Variants in GPC6 observed in about 807,000 individuals in gnomAD.
GPC6 encodes the protein glypican 6.
In GPC6, 14 loss-of-function variants were observed where a neutral mutation model predicts 55.2. That is an observed-to-expected ratio of 0.25 (90% CI 0.17 to 0.40). The LOEUF (loss-of-function observed/expected upper bound fraction) is 0.40. Ranked by LOEUF, GPC6 falls within the 10% of genes least tolerant of loss-of-function variation. The probability of loss-of-function intolerance (pLI) is 1.00; values close to 1 mark genes in which losing one functional copy is unlikely to be tolerated. For missense variants in GPC6, 641 were observed against 708.5 expected (o/e 0.90, Z 1.08); for synonymous variants, 278 against 259.6 (o/e 1.07, Z -0.68).
chr13:94,038,981 T>C (rs1883433814), intron 4 of GPC6, among the ~76,000 whole-genome samples: 1 of 151,932 alleles, frequency 6.6e-6, no homozygotes, highest in African/African-American at 2.4e-5. Context: ...TGGATTTGCC[T>C]TAGTTCCTGA....
At chr13:94,160,712 T>C (rs1888128297) in intron 4 of GPC6, among the ~76,000 whole-genome samples, 1 of 152,252 alleles carries the variant, frequency 6.6e-6, no homozygotes, top group Non-Finnish European at 1.5e-5. Flanking sequence ...CCTCTTGGTC[T>C]GGATCCTACA....
At position 94,397,425 on chromosome 13, in the gene GPC6, G is replaced by T. The variant is rs199923038; in HGVS notation, c.1290-1041G>T. On this transcript the variant is annotated intron_variant, in intron 7 of 8. Transcript: ENST00000377047. ...TGACAATTTTGACATTTTGGTACAA[G>T]GGAAAGAAATGTGAAACTCAGAATC... Among the ~76,000 whole-genome samples, 11 of 152,254 alleles carry T rather than the reference G, an allele frequency of 7.2e-5. No individual in the cohort carries two copies. In the East Asian group the frequency reaches 2.1e-3, roughly 29 times the overall value.
At chr13:94,354,532 C>T (rs1448361589) in intron 6 of GPC6, among the ~76,000 whole-genome samples, 1 of 152,248 alleles carries the variant, frequency 6.6e-6, no homozygotes. Context: ...AGCTCCAACA[C>T]TTTCCAATGC....
intron 2 of GPC6, among the ~76,000 whole-genome samples, chr13:93,590,423 A>G (rs1298324317): frequency 6.6e-6 from 1 of 152,168 alleles, no homozygotes; most frequent in Non-Finnish European, 1.5e-5. Flanking sequence ...CTTATATTTT[A>G]AAGAAGTATA....
chr13:93,581,197 A>G (rs1229501315), intron 2 of GPC6, among the ~76,000 whole-genome samples: 2 of 152,256 alleles, frequency 1.3e-5, no homozygotes, highest in Non-Finnish European at 2.9e-5. Flanking sequence ...CAATGTCAAT[A>G]TTCAGCATCT....
intron 1 of GPC6, among the ~76,000 whole-genome samples, chr13:93,425,912 C>T (rs371484863): frequency 1.3e-5 from 2 of 152,260 alleles, no homozygotes; most frequent in East Asian, 3.9e-4. Flanking sequence ...TGCCCTGCAG[C>T]CCACGGCTTT....
intron 3 of GPC6, among the ~76,000 whole-genome samples, chr13:93,924,447 A>C (rs184193473): frequency 3.1e-4 from 47 of 152,322 alleles, no homozygotes; most frequent in African/African-American, 1.1e-3. Flanking sequence ...AAAGGAAACC[A>C]AATGCTTTTT....
intron 2 of GPC6, among the ~76,000 whole-genome samples, chr13:93,804,590 A>G (rs745351048): frequency 3.9e-5 from 6 of 152,188 alleles, no homozygotes; most frequent in South Asian, 2.1e-4. Flanking sequence ...ATTATATTTC[A>G]TAGTAAGTTC....
intron 1 of GPC6, among the ~76,000 whole-genome samples, chr13:93,303,872 ATTT>A (rs33964040): frequency 4.7e-5 from 6 of 128,932 alleles, no homozygotes; most frequent in Admixed American, 1.6e-4. Flanking sequence ...TGTAGATACT[ATTT>A]TTTTTTTTTT....
At chr13:93,515,260 A>G (rs1227460095) in intron 1 of GPC6, among the ~76,000 whole-genome samples, 2 of 152,112 alleles carry the variant, frequency 1.3e-5, no homozygotes, top group African/African-American at 4.8e-5. Flanking sequence ...TTCAGCCTCC[A>G]GAACTTTAAG....
intron 2 of GPC6, among the ~76,000 whole-genome samples, chr13:93,572,857 T>C (rs1876472511): frequency 6.6e-6 from 1 of 152,166 alleles, no homozygotes; most frequent in African/African-American, 2.4e-5. Flanking sequence ...TCATGTTAAA[T>C]TCCTTGTATC....
chr13:94,226,886 T>C (rs1890575262), intron 4 of GPC6, among the ~76,000 whole-genome samples: 1 of 152,132 alleles, frequency 6.6e-6, no homozygotes, highest in Non-Finnish European at 1.5e-5. Context: ...GTGAAAACAA[T>C]GGCTTGTCTC....
At chr13:93,856,857 C>A (rs545075959) in intron 3 of GPC6, among the ~76,000 whole-genome samples, 1 of 151,530 alleles carries the variant, frequency 6.6e-6, no homozygotes, top group Non-Finnish European at 1.5e-5. Context: ...GTTCATTGTG[C>A]CTCCATTTAA....
chr13:94,130,683 T>C (rs1463015150), intron 4 of GPC6, among the ~76,000 whole-genome samples: 2 of 152,118 alleles, frequency 1.3e-5, no homozygotes, highest in Non-Finnish European at 2.9e-5. Context: ...ATCTCAAAAG[T>C]GCAAGACTCT....
intron 4 of GPC6, among the ~76,000 whole-genome samples, chr13:94,102,331 C>T (rs1885894521): frequency 6.6e-6 from 1 of 152,070 alleles, no homozygotes; most frequent in Non-Finnish European, 1.5e-5. Context: ...AAGTCTTGGA[C>T]ATTTCCATCC....
chr13:93,323,656 A>G (rs2139126239), intron 1 of GPC6, among the ~76,000 whole-genome samples: 1 of 152,276 alleles, frequency 6.6e-6, no homozygotes, highest in Non-Finnish European at 1.5e-5. Flanking sequence ...ATGAAGTACC[A>G]TGATAAATAT....
chr13:93,548,093 A>G (rs1011047050), intron 2 of GPC6, among the ~76,000 whole-genome samples: 1 of 152,090 alleles, frequency 6.6e-6, no homozygotes, highest in African/African-American at 2.4e-5. Context: ...TTTGAGTTTT[A>G]TTTTCCCACA....
chr13:94,287,174 T>G (rs886364351), intron 5 of GPC6, among the ~76,000 whole-genome samples: 3 of 152,166 alleles, frequency 2.0e-5, no homozygotes, highest in Non-Finnish European at 2.9e-5. Flanking sequence ...TCCCGCCTCT[T>G]CCTTCATCAA....
chr13:94,116,437 A>G (rs750351599), intron 4 of GPC6, among the ~76,000 whole-genome samples: 11 of 152,130 alleles, frequency 7.2e-5, no homozygotes, highest in Non-Finnish European at 1.3e-4. Flanking sequence ...GGGACCTTAC[A>G]TATTAACATT....
Sources: allele counts gnomAD v4.1 joint callset (sites outside exome capture counted in the v4.1 genomes callset), GRCh38; gene constraint gnomAD v4.1.1; transcripts MANE v1.5; gene names NCBI Gene and HGNC (gene_info 2026-07-23, HGNC 2026-07-21).